The following USP42 variants were observed in gnomAD, a reference collection of about 807,000 sequenced individuals.
USP42 encodes the protein ubiquitin carboxyl-terminal hydrolase 42.
A neutral mutation model predicts 113.0 loss-of-function variants in USP42; 23 were observed. The ratio of observed to expected loss-of-function variants is 0.20; its 90% CI spans 0.15 to 0.29. The LOEUF is 0.29. Ranked by LOEUF, USP42 falls within the 10% of genes least tolerant of loss-of-function variation. The pLI, the probability that USP42 is intolerant of heterozygous loss-of-function variation, is 1.00. For missense variants in USP42, 2,174 were observed against 1,779.8 expected (o/e 1.22, Z -3.99); for synonymous variants, 933 against 699.0 (o/e 1.33, Z -5.28).
rs115618671 is a variant in USP42, at chr7:6,159,565, A to G, written c.*36+72A>G. 1.2e-3 allele frequency: 1,772 copies of G among 1,463,676 alleles called. 17 individuals carry two copies. The African/African-American group carries it at 0.022, about 18-fold the overall frequency. 90.7% of individuals were successfully genotyped at this position (1,463,676 alleles called of 1,614,324 possible). ...AGGGGACGCAGGCAGAGGAGTTTTA[A>G]TTCTGCGGCTCTGCCTGGGGGCTGG... On this transcript the variant is annotated intron_variant, in intron 17 of 17. Transcript: ENST00000306177. This position sits in a 1 kb window ranked among gnomAD's most constrained non-coding sequence, Gnocchi z 4.1.
chr7:6,101,811 G>T (rs917648084), upstream of USP42, among the ~76,000 whole-genome samples: 1 of 150,864 alleles, frequency 6.6e-6, no homozygotes, highest in Non-Finnish European at 1.5e-5. Context: ...GGGCGCAGTG[G>T]CTCACGCCTG....
the USP42 span, among the ~76,000 whole-genome samples, chr7:6,084,241 G>A: frequency 6.6e-6 from 1 of 151,150 alleles, no homozygotes; most frequent in Non-Finnish European, 1.5e-5. Context: ...TGACCAGGCT[G>A]GTCTTGAACT....
At chr7:6,153,636 T>C in intron 14 of USP42, 120 bp from the exon 15 acceptor site, 1 of 1,231,782 alleles carries the variant, frequency 8.1e-7, no homozygotes, top group African/African-American at 1.6e-5. Context: ...AGTATAATAA[T>C]AATAAAATAA....
At chr7:6,093,754 T>C in the USP42 span, among the ~76,000 whole-genome samples, 1 of 150,930 alleles carries the variant, frequency 6.6e-6, no homozygotes, top group Non-Finnish European at 1.5e-5. Context: ...TTTGAATGTA[T>C]TTTGTGACCA....
chr7:6,129,860 C>CAA (rs35237852), intron 3 of USP42, among the ~76,000 whole-genome samples: 9,286 of 72,888 alleles, frequency 0.13, 413 homozygotes, highest in African/African-American at 0.2. Flanking sequence ...GACTCTGTCT[C>CAA]AAAAAAAAAA....
chr7:6,142,191 A>G (rs369348058), intron 7 of USP42, among the ~76,000 whole-genome samples: 1 of 151,390 alleles, frequency 6.6e-6, no homozygotes, highest in African/African-American at 2.4e-5. Context: ...TGAACATCAT[A>G]CTACTAAATG....
chr7:6,102,438 G>C (rs1041747462), upstream of USP42, among the ~76,000 whole-genome samples: 4 of 150,210 alleles, frequency 2.7e-5, no homozygotes, highest in Non-Finnish European at 4.4e-5. Context: ...GGGCAGCCTG[G>C]AGGGACCAGT....
the USP42 span, among the ~76,000 whole-genome samples, chr7:6,089,107 C>T: frequency 6.6e-6 from 1 of 150,656 alleles, no homozygotes; most frequent in African/African-American, 2.5e-5. Flanking sequence ...TGAAGTGGTG[C>T]GATCTCTGTT....
At chr7:6,089,971 A>C in the USP42 span, among the ~76,000 whole-genome samples, 27 of 150,606 alleles carry the variant, frequency 1.8e-4, no homozygotes, top group Non-Finnish European at 2.2e-4. Context: ...ACTGCACTCC[A>C]GCCTGGGCGA....
chr7:6,085,022 G>A, the USP42 span: 1 of 151,190 alleles, frequency 6.6e-6, no homozygotes, highest in Non-Finnish European at 1.5e-5. Context: ...CCCAGCCAAG[G>A]ACTCTTAAGT....
chr7:6,138,782 G>T (rs1359255303), intron 4 of USP42, among the ~76,000 whole-genome samples: 3 of 152,140 alleles, frequency 2.0e-5, no homozygotes, highest in African/African-American at 7.2e-5. Flanking sequence ...CAGGTTCCAT[G>T]CTCCTTAGGA....
At chr7:6,093,051 G>C in the USP42 span, 1 of 150,602 alleles carries the variant, frequency 6.6e-6, no homozygotes, top group Non-Finnish European at 1.5e-5. Flanking sequence ...CTGAGTCTCC[G>C]TGTGGGCTGC....
In USP42 at chr7:6,156,177, A is replaced by G. The variant is rs549031132; in HGVS notation, c.3642-577A>G. On this transcript the variant is annotated intron_variant, in intron 15 of 17. Transcript: ENST00000306177. ...TGAAACTGAAACCCTGGGAAAGATTACCAAAAGCCATATGGAAAATAGGCA... is the reference window on the plus strand; with the variant it reads ...TGAAACTGAAACCCTGGGAAAGATTGCCAAAAGCCATATGGAAAATAGGCA... 4.6e-5 allele frequency among the ~76,000 whole-genome samples: 7 copies of G among 152,366 alleles called. No individual in the cohort carries two copies. The South Asian group carries it at 1.4e-3, about 32-fold the overall frequency.
At chr7:6,105,362 C>T (rs935941285) in intron 1 of USP42, among the ~76,000 whole-genome samples, 28 of 149,060 alleles carry the variant, frequency 1.9e-4, no homozygotes, top group African/African-American at 3.4e-4. Flanking sequence ...CACCCGGCCC[C>T]AGCCCGCCCC....
At position 6,111,117 on chromosome 7, in the gene USP42, T is replaced by C; in HGVS notation, c.-9-8T>C. 6.2e-7 allele frequency: 1 copy of C among 1,603,610 alleles called. No individual in the cohort carries two copies. Among genetic ancestry groups the C allele is most frequent in the South Asian group, 1.1e-5 (1 of 90,552 alleles). ...ATGAAACAAATACATACTTTTCATC[T>C]TTTGCAGAGTTGAACAATGACCATA... On this transcript the variant is annotated splice_polypyrimidine_tract_variant and splice_region_variant and intron_variant, in intron 1 of 17. Coordinates refer to ENST00000306177, the MANE Select transcript of USP42 (RefSeq NM_032172.3).
At chr7:6,093,664 CTCTT>C in the USP42 span, among the ~76,000 whole-genome samples, 2 of 144,498 alleles carry the variant, frequency 1.4e-5, no homozygotes, top group African/African-American at 5.3e-5. Flanking sequence ...CTTCCTTTCT[CTCTT>C]TTTTTCTCTT....
chr7:6,116,985 C>T (rs959631437), intron 3 of USP42: 6 of 427,276 alleles, frequency 1.4e-5, no homozygotes, highest in Non-Finnish European at 2.3e-5. Flanking sequence ...TTGCTTCCTC[C>T]CTCCCTCCCT....
chr7:6,082,290 G>T, the USP42 span, among the ~76,000 whole-genome samples: 1 of 151,774 alleles, frequency 6.6e-6, no homozygotes, highest in Non-Finnish European at 1.5e-5. Context: ...CACCAGGCCC[G>T]GCTAATTTTT....
chr7:6,152,909 C>T (rs749902965), intron 14 of USP42: 192 of 985,012 alleles, frequency 1.9e-4, no homozygotes, highest in Non-Finnish European at 1.4e-4. Context: ...GAAAGGGAGT[C>T]GAGAGGAAAG....
Sources: gnomAD v4.1 joint callset for allele counts (sites outside exome capture counted in the v4.1 genomes callset) on GRCh38, gnomAD v4.1.1 for gene constraint, Gnocchi (gnomAD v3.1) non-coding constraint, MANE v1.5 for transcripts, NCBI Gene and HGNC (gene_info 2026-07-23, HGNC 2026-07-21) for gene names.